The following RNF217 variants were observed in gnomAD, a reference collection of about 807,000 sequenced individuals.
RNF217 encodes the protein ring finger protein 217, also known as E3 ubiquitin-protein ligase RNF217.
Under a neutral mutation model 57.8 loss-of-function variants are expected in RNF217, and 31 were observed. The observed-to-expected ratio is 0.54, with a 90% CI of 0.40 to 0.72. RNF217 has a LOEUF of 0.72. Ranked by LOEUF, RNF217 falls within the 30% of genes least tolerant of loss-of-function variation. The pLI is 0.00. For synonymous variants in RNF217, 313 were observed against 294.0 expected (o/e 1.06, Z -0.66); for missense variants, 696 against 708.3 (o/e 0.98, Z 0.20).
Position 125,055,469 on chromosome 6 carries a change from C to T in RNF217, c.1117-2473C>T, listed in dbSNP as rs139441405. 2.9e-4 allele frequency among the ~76,000 whole-genome samples: 44 copies of T among 152,276 alleles called. No individual in the cohort carries two copies. In the East Asian group the frequency reaches 7.3e-3, roughly 25 times the overall value. On this transcript the variant is annotated intron_variant, in intron 2 of 5. Transcript: ENST00000521654. ...TATAATTGTCTTCATTAGAGATTCA[C>T]AAATGTGATAGTTCAGCACTTAATC...
Position 125,086,644 on chromosome 6 carries a change from G to C in RNF217, c.*3707G>C, listed in dbSNP as rs951871012. 2.0e-5 allele frequency: 3 copies of C among 152,084 alleles called. No homozygotes were observed. Among genetic ancestry groups the C allele is most frequent in the South Asian group, 2.1e-4 (1 of 4,824 alleles). 9.4% of individuals were successfully genotyped at this position (152,084 alleles called of 1,614,324 possible). ...TCGTGGAATAATTTATATATGTGGA[G>C]TAAGAAGAGAGGGGTCAAACCTTTT... On this transcript the variant is annotated 3_prime_UTR_variant, in exon 6 of 6. Coordinates refer to ENST00000521654, the MANE Select transcript of RNF217 (RefSeq NM_001286398.3).
chr6:124,974,614 A>G (rs1221055890), intron 1 of RNF217, among the ~76,000 whole-genome samples: 1 of 152,228 alleles, frequency 6.6e-6, no homozygotes, highest in Non-Finnish European at 1.5e-5. Context: ...TATCAAAATT[A>G]CAGCTTCAGC....
chr6:125,076,722 T>C lies in RNF217; in HGVS notation c.1347T>C (p.Cys449=), dbSNP rs1788388419. The stretch of plus-strand genomic sequence containing the variant: ...GCTCACAATGTAACACTAATTTTTG[T>C]TACCGATGTGGTGAGAGATACCGCC... ...MTCSQCNTNF[C]YRCGERYRQL... The change falls in exon 4 of 6, where the codon TGT becomes TGC. Residue 449 remains cysteine, a synonymous_variant. Transcript: ENST00000521654. The C allele has an allele frequency of 6.2e-7, 1 of 1,613,514 alleles. No individual in the cohort carries two copies. The highest frequency in any genetic ancestry group is 8.5e-7 in the Non-Finnish European group (1 of 1,179,692).
rs766482798 is a variant in RNF217 at position 125,086,335 on chromosome 6, G to A, written c.*3398G>A. 3.3e-5 allele frequency: 4 copies of A among 121,330 alleles called. No individual in the cohort carries two copies. The highest frequency in any genetic ancestry group is 9.1e-5 in the African/African-American group (3 of 33,096). The allele number at this position is 121,330 out of a possible 1,614,324, so 7.5% of individuals were successfully genotyped here. On this transcript the variant is annotated 3_prime_UTR_variant, in exon 6 of 6. Coordinates refer to ENST00000521654, the MANE Select transcript of RNF217 (RefSeq NM_001286398.3). ...TTTTTTTTCAATAAAAATAAAATTT[G>A]AGGAGATGTGTGTCAGATAATGTGA...
intron 1 of RNF217, among the ~76,000 whole-genome samples, chr6:125,018,735 C>CTAT (rs1785705244): frequency 6.6e-6 from 1 of 152,040 alleles, no homozygotes; most frequent in South Asian, 2.1e-4. Flanking sequence ...AGTTGAAAAC[C>CTAT]TAAATAAGGA....
At chr6:125,082,424 A>T (rs377332890) in intron 5 of RNF217, 23 of 1,570,444 alleles carry the variant, frequency 1.5e-5, no homozygotes, top group Non-Finnish European at 1.9e-5. Flanking sequence ...ATTATGTAAT[A>T]GATATTATTA....
At chr6:125,025,724 G>A (rs563113690) in intron 1 of RNF217, among the ~76,000 whole-genome samples, 12 of 129,906 alleles carry the variant, frequency 9.2e-5, no homozygotes, top group Non-Finnish European at 1.1e-4. Context: ...GGAACAGAAA[G>A]TTGAAGGTGT....
chr6:125,039,174 A>G (rs1049779270), intron 1 of RNF217, among the ~76,000 whole-genome samples: 1 of 152,162 alleles, frequency 6.6e-6, no homozygotes, highest in Non-Finnish European at 1.5e-5. Context: ...TGTAAAGGAC[A>G]TGGCCTCATT....
rs377073738 is a variant in RNF217 at position 125,048,458 on chromosome 6, G to A, written c.1116+3014G>A. On this transcript the variant is annotated intron_variant, in intron 2 of 5. Coordinates refer to ENST00000521654, the MANE Select transcript of RNF217 (RefSeq NM_001286398.3). ...GTCTGACGTTTCTGTGCAATTTAAC[G>A]TCTCTTTATAATAATGTTTACAGGC... 7.2e-5 allele frequency among the ~76,000 whole-genome samples: 11 copies of A among 151,872 alleles called. No homozygotes were observed. In the East Asian group the frequency reaches 1.2e-3, roughly 16 times the overall value.
intron 1 of RNF217, among the ~76,000 whole-genome samples, chr6:124,988,484 C>T (rs1582674885): frequency 6.6e-6 from 1 of 152,188 alleles, no homozygotes; most frequent in Non-Finnish European, 1.5e-5. Context: ...ATAAGTGACA[C>T]TGTTGGTTCA....
chr6:125,057,428 C>T lies in RNF217; in HGVS notation c.1117-514C>T, dbSNP rs533766548. The stretch of plus-strand genomic sequence containing the variant: ...AACTCCTGACCTCAAGTGATCTAGC[C>T]GCCTCAGCCTCCCAAAGTGCTAGGA... On this transcript the variant is annotated intron_variant, in intron 2 of 5. Transcript: ENST00000521654. Among the ~76,000 whole-genome samples, 37 of 152,200 alleles carry T rather than the reference C, an allele frequency of 2.4e-4. No homozygotes were observed. The South Asian group carries it at 6.6e-3, about 27-fold the overall frequency.
intron 1 of RNF217, among the ~76,000 whole-genome samples, chr6:124,987,066 C>A (rs9401791): frequency 0.22 from 34,104 of 152,036 alleles, 4,547 homozygotes; most frequent in East Asian, 0.4. Context: ...CATGTATGCA[C>A]ATTCATAATT....
chr6:125,065,290 C>CAAA lies in RNF217; in HGVS notation c.1281+7202_1281+7204dup, dbSNP rs1192938088. On this transcript the variant is annotated intron_variant, in intron 3 of 5. Coordinates refer to ENST00000521654, the MANE Select transcript of RNF217 (RefSeq NM_001286398.3). ...TTGGCAGCAGAGTGAGACTCTGTCT[C>CAAA]AAAAAAAAAAAAAAAAAAAAGTCAT... Among the ~76,000 whole-genome samples the CAAA allele has an allele frequency of 3.4e-3, 215 of 63,688 alleles. 5 individuals carry two copies. Among genetic ancestry groups the CAAA allele is most frequent in the African/African-American group, 0.011 (203 of 18,450 alleles). The allele number at this position is 63,688 out of a possible 152,430, so 41.8% of individuals were successfully genotyped here.
At chr6:125,011,671 T>G (rs906151817) in intron 1 of RNF217, among the ~76,000 whole-genome samples, 2 of 152,074 alleles carry the variant, frequency 1.3e-5, no homozygotes, top group Admixed American at 1.3e-4. Flanking sequence ...GAGCAAGGAG[T>G]GTCAGGTTCT....
intron 4 of RNF217, among the ~76,000 whole-genome samples, chr6:125,080,794 CT>C (rs1788547045): frequency 6.6e-6 from 1 of 152,020 alleles, no homozygotes; most frequent in African/African-American, 2.4e-5. Flanking sequence ...AGCACTTTGC[CT>C]TTTTATTTTA....
chr6:125,024,719 CAAAA>C (rs35985972), intron 1 of RNF217, among the ~76,000 whole-genome samples: 10 of 83,580 alleles, frequency 1.2e-4, no homozygotes, highest in African/African-American at 3.3e-4. Context: ...GACTCTGTCT[CAAAA>C]AAAAAAAAAA....
At chr6:125,049,314 C>G (rs1303083838) in intron 2 of RNF217, among the ~76,000 whole-genome samples, 1 of 152,024 alleles carries the variant, frequency 6.6e-6, no homozygotes, top group Non-Finnish European at 1.5e-5. Context: ...GGTTATTTGC[C>G]TTAAGTTTCT....
intron 1 of RNF217, among the ~76,000 whole-genome samples, chr6:125,006,723 C>T (rs925565346): frequency 1.4e-4 from 22 of 152,066 alleles, no homozygotes; most frequent in Admixed American, 2.6e-4. Context: ...CCAAGGTGGG[C>T]GGATCACCTG....
At chr6:125,037,093 C>G (rs540560469) in intron 1 of RNF217, among the ~76,000 whole-genome samples, 1 of 149,522 alleles carries the variant, frequency 6.7e-6, no homozygotes, top group Non-Finnish European at 1.5e-5. Flanking sequence ...AAAAAAAAGT[C>G]CTGCCCACTG....
Sources: gnomAD v4.1 joint callset for allele counts (sites outside exome capture counted in the v4.1 genomes callset) on GRCh38, gnomAD v4.1.1 for gene constraint, MANE v1.5 for transcripts, NCBI Gene and HGNC (gene_info 2026-07-23, HGNC 2026-07-21) for gene names.